The following MICU1 variants were observed in gnomAD, a reference collection of about 807,000 sequenced individuals.
MICU1 encodes calcium uptake protein 1, mitochondrial.
Under a neutral mutation model 56.8 loss-of-function variants are expected in MICU1, and 45 were observed. That is an observed-to-expected ratio of 0.79 (90% CI 0.62 to 1.02). The LOEUF (loss-of-function observed/expected upper bound fraction) is 1.02, where lower values mean the gene tolerates loss of function less well. MICU1 is among the 50% of genes least tolerant of loss of function. MICU1 has a pLI of 0.00. For synonymous variants in MICU1, 186 were observed against 195.1 expected, an observed-to-expected ratio of 0.95 and a Z score of 0.39; for missense variants, 504 against 587.1, an observed-to-expected ratio of 0.86 and a Z score of 1.46.
chr10:72,426,903 A>G (rs1864364243), intron 8 of MICU1, among the ~76,000 whole-genome samples: 1 of 152,206 alleles, frequency 6.6e-6, no homozygotes, highest in Non-Finnish European at 1.5e-5. Context: ...GACACAGGTT[A>G]TTACAAAATT....
At chr10:72,618,082 G>A (rs768738324) in intron 1 of MICU1, among the ~76,000 whole-genome samples, 13 of 151,068 alleles carry the variant, frequency 8.6e-5, no homozygotes, top group South Asian at 2.1e-4. Context: ...CAGGAGATTC[G>A]CTTGAGCCTG....
chr10:72,558,567 C>A (rs1840216166), intron 3 of MICU1, among the ~76,000 whole-genome samples: 1 of 152,114 alleles, frequency 6.6e-6, no homozygotes, highest in Non-Finnish European at 1.5e-5. Context: ...TAAGCTGCTA[C>A]CTAGAGAAAA....
At chr10:72,410,570 G>A (rs896612132) in intron 9 of MICU1, among the ~76,000 whole-genome samples, 2 of 152,214 alleles carry the variant, frequency 1.3e-5, no homozygotes, top group African/African-American at 4.8e-5. Context: ...AGTGAGCTGA[G>A]ATCACGCCAC....
At chr10:72,437,351 A>AT (rs750991877) in intron 8 of MICU1, among the ~76,000 whole-genome samples, 1 of 152,194 alleles carries the variant, frequency 6.6e-6, no homozygotes, top group Non-Finnish European at 1.5e-5. Flanking sequence ...ATGCCAAGAG[A>AT]TTTTGTCACC....
intron 6 of MICU1, among the ~76,000 whole-genome samples, chr10:72,482,596 T>C (rs1173360660): frequency 1.3e-5 from 2 of 152,230 alleles, no homozygotes; most frequent in Middle Eastern, 3.4e-3. Context: ...CTGTTTTTTT[T>C]CCTCATGCAC....
chr10:72,439,530 A>G (rs1189810771), intron 8 of MICU1, among the ~76,000 whole-genome samples: 1 of 152,230 alleles, frequency 6.6e-6, no homozygotes, highest in Admixed American at 6.5e-5. Flanking sequence ...TATTCAACAC[A>G]GTGTTGGAAG....
intron 8 of MICU1, among the ~76,000 whole-genome samples, chr10:72,460,395 T>C (rs1303769210): frequency 6.6e-6 from 1 of 152,194 alleles, no homozygotes; most frequent in East Asian, 1.9e-4. Flanking sequence ...CTAGTTTATA[T>C]TTCATTAGTC....
In MICU1 at chr10:72,551,230, TCATAAACACTTCTGCTTCAC is replaced by T. The variant is rs1840027173; in HGVS notation, c.422_441del (p.Gly141AspfsTer13). ...ATGGATCGCACAAAATCTTCTGGTGTCATAAACACTTCTGCTTCACCAGGCTCACTGATGACTTTCAAGGT... is the reference window on the plus strand; with the variant it reads ...ATGGATCGCACAAAATCTTCTGGTGTCAGGCTCACTGATGACTTTCAAGGT... On this transcript the variant is annotated frameshift_variant, in exon 4 of 12. Transcript: ENST00000361114. LOFTEE classifies it high-confidence loss of function. The T allele has an allele frequency of 6.2e-7, 1 of 1,611,878 alleles. No individual in the cohort carries two copies. The highest frequency in any genetic ancestry group is 1.3e-5 in the African/African-American group (1 of 74,826).
chr10:72,581,188 C>T (rs1840889197), intron 1 of MICU1, among the ~76,000 whole-genome samples: 1 of 152,184 alleles, frequency 6.6e-6, no homozygotes, highest in Non-Finnish European at 1.5e-5. Context: ...CAAACATAAA[C>T]AAATGCATTT....
At chr10:72,464,062 G>C (rs1176493440) in intron 8 of MICU1, among the ~76,000 whole-genome samples, 2 of 152,128 alleles carry the variant, frequency 1.3e-5, no homozygotes, top group Non-Finnish European at 2.9e-5. Flanking sequence ...TTGGGAGGCT[G>C]GGGCGAGTGG....
intron 10 of MICU1, among the ~76,000 whole-genome samples, chr10:72,403,366 A>AT (rs1271728590): frequency 4.0e-5 from 6 of 151,598 alleles, no homozygotes; most frequent in South Asian, 4.2e-4. Flanking sequence ...AAAAAAAAAA[A>AT]TTTTTTTTTA....
chr10:72,468,485 AT>A (rs1865860945), intron 8 of MICU1, among the ~76,000 whole-genome samples: 1 of 152,152 alleles, frequency 6.6e-6, no homozygotes, highest in Non-Finnish European at 1.5e-5. Context: ...AAGGAACTCA[AT>A]AGTTCTCAGT....
In MICU1 at chr10:72,594,925, CAAA is replaced by C. The variant is rs57504317; in HGVS notation, c.-1-28134_-1-28132del. ...ACCCTGTCTCAAAAAAAGTACAATC[CAAA>C]AAAAAAAAAAAGATGAACCAATGAA... On this transcript the variant is annotated intron_variant, in intron 1 of 11. Transcript: ENST00000361114. 3.5e-4 allele frequency among the ~76,000 whole-genome samples: 18 copies of C among 50,746 alleles called. 3 individuals carry two copies. The highest frequency in any genetic ancestry group is 9.9e-4 in the Admixed American group (5 of 5,026). The allele number at this position is 50,746 out of a possible 152,430, so 33.3% of individuals were successfully genotyped here.
At chr10:72,608,596 T>C (rs1252957211) in intron 1 of MICU1, among the ~76,000 whole-genome samples, 1 of 152,198 alleles carries the variant, frequency 6.6e-6, no homozygotes, top group Non-Finnish European at 1.5e-5. Context: ...AAAACTAGAA[T>C]ATTTTCCAGA....
At chr10:72,441,471 G>C (rs1396720636) in intron 8 of MICU1, among the ~76,000 whole-genome samples, 3 of 150,294 alleles carry the variant, frequency 2.0e-5, no homozygotes, top group Non-Finnish European at 3.0e-5. Context: ...GAGTTGATGG[G>C]TGCAGCAAAC....
intron 5 of MICU1, chr10:72,523,800 A>C: frequency 6.7e-7 from 1 of 1,482,808 alleles, no homozygotes; most frequent in Non-Finnish European, 8.9e-7. Flanking sequence ...TTTAAAAAGT[A>C]CCTTTAGGAG....
intron 1 of MICU1, among the ~76,000 whole-genome samples, chr10:72,576,850 C>T (rs1277203666): frequency 1.3e-5 from 2 of 152,136 alleles, no homozygotes; most frequent in African/African-American, 4.8e-5. Context: ...AACGCTCATT[C>T]ATCATTCTGA....
intron 6 of MICU1, among the ~76,000 whole-genome samples, chr10:72,492,992 C>T (rs1434496362): frequency 6.6e-6 from 1 of 151,702 alleles, no homozygotes; most frequent in Admixed American, 6.6e-5. Context: ...TGGTGCATGC[C>T]TGTAATCCCA....
chr10:72,576,823 G>A (rs1015738194), intron 1 of MICU1, among the ~76,000 whole-genome samples: 1 of 152,304 alleles, frequency 6.6e-6, no homozygotes, highest in Middle Eastern at 3.4e-3. Flanking sequence ...TGTACCTAGT[G>A]ACTTTAAGTT....
Sources: gnomAD v4.1 joint callset for allele counts (sites outside exome capture counted in the v4.1 genomes callset) on GRCh38, gnomAD v4.1.1 for gene constraint, MANE v1.5 for transcripts, NCBI Gene and HGNC (gene_info 2026-07-23, HGNC 2026-07-21) for gene names.